The following NAALADL2 variants were observed in gnomAD, a reference collection of about 807,000 sequenced individuals.
NAALADL2 encodes inactive N-acetylated-alpha-linked acidic dipeptidase-like protein 2.
NAALADL2 carries 76 observed loss-of-function variants against 87.2 expected under a neutral mutation model. The observed-to-expected ratio is 0.87, with a 90% CI of 0.72 to 1.05. The LOEUF is 1.05. NAALADL2 is among the 50% of genes least tolerant of loss of function. The pLI, the probability that NAALADL2 is intolerant of heterozygous loss-of-function variation, is 0.00. For synonymous variants in NAALADL2, 354 were observed against 331.0 expected (o/e 1.07, Z -0.75); for missense variants, 1,089 against 945.8 (o/e 1.15, Z -1.99).
In NAALADL2 at chr3:175,755,222, G is replaced by A. The variant is rs1394772302; in HGVS notation, c.1993G>A (p.Asp665Asn). 6.2e-7 allele frequency: 1 copy of A among 1,608,068 alleles called. No homozygotes were observed. Among genetic ancestry groups the A allele is most frequent in the Non-Finnish European group, 8.5e-7 (1 of 1,178,170 alleles). ...ALEVQNNLKG[D>N]QPNTHQLLAM... The stretch of plus-strand genomic sequence containing the variant: ...ATGGGCTCATTTATCTTCACCAGGT[G>A]ATCAACCCAACACTCATCAACTGTT... Residue 665 changes from aspartate to asparagine, a missense_variant and splice_region_variant, in exon 13 of 14, where the codon GAT becomes AAT. Asp to Asn is a conservative substitution (Grantham distance 23). Transcript: ENST00000454872.
intron 5 of NAALADL2, among the ~76,000 whole-genome samples, chr3:175,420,675 A>G (rs960925596): frequency 1.3e-5 from 2 of 152,078 alleles, no homozygotes; most frequent in African/African-American, 4.8e-5. Flanking sequence ...ACCATATTGG[A>G]AAAGCATTAT....
At chr3:175,224,799 T>A (rs183707037) in intron 2 of NAALADL2, among the ~76,000 whole-genome samples, 1 of 152,340 alleles carries the variant, frequency 6.6e-6, no homozygotes, top group Non-Finnish European at 1.5e-5. Flanking sequence ...AATACCAAAA[T>A]GTGTAACATG....
chr3:175,744,457 T>C (rs1745654932), intron 12 of NAALADL2, among the ~76,000 whole-genome samples: 1 of 152,178 alleles, frequency 6.6e-6, no homozygotes, highest in Admixed American at 6.5e-5. Flanking sequence ...CTGGGAAAGG[T>C]GAGGCCAGAC....
chr3:175,184,201 G>A (rs1166480428), intron 2 of NAALADL2, among the ~76,000 whole-genome samples: 2 of 152,032 alleles, frequency 1.3e-5, no homozygotes, highest in African/African-American at 4.8e-5. Context: ...AACGCCATCT[G>A]GAAGAATGGA....
chr3:174,946,386 T>A (rs979162197), intron 1 of NAALADL2, among the ~76,000 whole-genome samples: 1 of 152,132 alleles, frequency 6.6e-6, no homozygotes, highest in Non-Finnish European at 1.5e-5. Context: ...CTACCTAGAC[T>A]TGAATCCTGT....
intron 3 of NAALADL2, among the ~76,000 whole-genome samples, chr3:174,751,587 C>T (rs1427821929): frequency 2.7e-5 from 4 of 147,906 alleles, no homozygotes; most frequent in Admixed American, 1.4e-4. Flanking sequence ...TGCTTGAGCC[C>T]GGGAGACTGA....
chr3:175,506,157 C>G (rs1730280985), intron 9 of NAALADL2, among the ~76,000 whole-genome samples: 3 of 152,082 alleles, frequency 2.0e-5, no homozygotes, highest in Admixed American at 6.6e-5. Flanking sequence ...GCTTTTTGCT[C>G]AGGTGAAATG....
At chr3:175,145,559 G>A (rs1730626619) in intron 2 of NAALADL2, among the ~76,000 whole-genome samples, 1 of 151,920 alleles carries the variant, frequency 6.6e-6, no homozygotes, top group African/African-American at 2.4e-5. Context: ...CTAGATTTAT[G>A]AATTTGGGCT....
intron 1 of NAALADL2, among the ~76,000 whole-genome samples, chr3:174,982,547 T>C (rs891090212): frequency 1.5e-4 from 23 of 152,332 alleles, no homozygotes; most frequent in Admixed American, 4.6e-4. Flanking sequence ...TTTCTCCAAG[T>C]TTAACATTAA....
intron 2 of NAALADL2, among the ~76,000 whole-genome samples, chr3:175,099,891 A>G (rs993824777): frequency 5.9e-5 from 9 of 152,122 alleles, no homozygotes; most frequent in African/African-American, 2.2e-4. Context: ...CTAAAGAATG[A>G]AATGAATGCA....
chr3:175,754,464 A>G (rs1346558725), intron 12 of NAALADL2, among the ~76,000 whole-genome samples: 2 of 152,174 alleles, frequency 1.3e-5, no homozygotes, highest in Non-Finnish European at 2.9e-5. Flanking sequence ...ACAAACACAA[A>G]CCTCCAAACT....
At chr3:174,819,491 T>TGGACTCGAGGTCTGACTTCTCATACAC (rs1416781343) in intron 3 of NAALADL2, among the ~76,000 whole-genome samples, 4 of 152,102 alleles carry the variant, frequency 2.6e-5, no homozygotes, top group Non-Finnish European at 4.4e-5. Context: ...GAGTCATACA[T>TGGACTCGAGGTCTGACTTCTCATACAC]GGACTCGAGG....
chr3:175,130,895 T>G lies in NAALADL2; in HGVS notation c.545+33604T>G, dbSNP rs1361801742. Among the ~76,000 whole-genome samples, 4 of 152,330 alleles carry G rather than the reference T, an allele frequency of 2.6e-5. No homozygotes were observed. In the East Asian group the frequency reaches 7.7e-4, roughly 29 times the overall value. ...GATTACTTTGGCTGTTCACTGTCTT[T>G]TATGGTTCCATACAAATTTAGGATT... On this transcript the variant is annotated intron_variant, in intron 2 of 13. Coordinates refer to ENST00000454872, the MANE Select transcript of NAALADL2 (RefSeq NM_207015.3).
intron 1 of NAALADL2, among the ~76,000 whole-genome samples, chr3:175,001,133 C>G (rs750360509): frequency 6.6e-6 from 1 of 152,176 alleles, no homozygotes; most frequent in Admixed American, 6.5e-5. Flanking sequence ...AATTTGGCCA[C>G]TATGTCAGTA....
intron 11 of NAALADL2, among the ~76,000 whole-genome samples, chr3:175,677,689 A>T (rs1009926729): frequency 2.0e-5 from 3 of 152,118 alleles, no homozygotes; most frequent in Non-Finnish European, 4.4e-5. Context: ...TTTTACAAAA[A>T]AATCAATAGA....
intron 5 of NAALADL2, among the ~76,000 whole-genome samples, chr3:175,327,597 G>A (rs1005248842): frequency 2.0e-5 from 3 of 152,158 alleles, no homozygotes; most frequent in Non-Finnish European, 4.4e-5. Context: ...ACTCAGGGTT[G>A]TTAGTACTTA....
rs966090524 is a variant in NAALADL2, at chr3:174,942,361, C to T, written c.43+82911C>T. 7.6e-4 allele frequency among the ~76,000 whole-genome samples: 115 copies of T among 152,218 alleles called. 1 individual carries two copies. The highest frequency in any genetic ancestry group is 2.6e-3 in the African/African-American group (107 of 41,542). ...CTTCAAGAATGCTGAATATAGGCCC[C>T]CAATCTCTTTTTGCTTGTAGAGTCT... On this transcript the variant is annotated intron_variant, in intron 1 of 13. Transcript: ENST00000454872.
chr3:174,639,047 T>C (rs777377671), intron 2 of NAALADL2, among the ~76,000 whole-genome samples: 3 of 152,316 alleles, frequency 2.0e-5, no homozygotes, highest in Non-Finnish European at 4.4e-5. Flanking sequence ...TTCTTGTGAT[T>C]GCTCTTTTTG....
rs1375390981 is a variant in NAALADL2 at position 175,234,130 on chromosome 3, G to C, written c.745G>C (p.Glu249Gln). The stretch of plus-strand genomic sequence containing the variant: ...TCATCCTAATGGCCAGCCTTGCAGT[G>C]AAGAAGCCAGAAAAGATAGCAGCCA... ...CFHPNGQPCSEEARKDSSQDL... is the reference protein window; with the variant it reads ...CFHPNGQPCSQEARKDSSQDL... Residue 249 changes from glutamate (E) to glutamine (Q), a missense_variant, in exon 3 of 14, where the codon GAA becomes CAA. Transcript: ENST00000454872. 1.9e-6 allele frequency: 3 copies of C among 1,613,886 alleles called. No individual in the cohort carries two copies. Among genetic ancestry groups the C allele is most frequent in the Middle Eastern group, 1.7e-4 (1 of 6,058 alleles).
Sources: gnomAD v4.1 joint callset for allele counts (sites outside exome capture counted in the v4.1 genomes callset) on GRCh38, gnomAD v4.1.1 for gene constraint, MANE v1.5 for transcripts, NCBI Gene and HGNC (gene_info 2026-07-23, HGNC 2026-07-21) for gene names.